Variants in TDRD15 observed in about 807,000 individuals in gnomAD.
The protein encoded by TDRD15 is tudor domain-containing protein 15.
For missense variants in TDRD15, 1,416 were observed against 904.7 expected, an observed-to-expected ratio of 1.57 and a Z score of -7.25; for synonymous variants, 503 against 314.5, an observed-to-expected ratio of 1.60 and a Z score of -6.34.
At position 21,137,489 on chromosome 2, in the gene TDRD15, C is replaced by T. The variant is rs887519721; in HGVS notation, c.22C>T (p.Pro8Ser). Residue 8 changes from proline to serine, a missense_variant, in exon 4 of 4, where the codon CCA (proline) becomes TCA (serine). By Grantham distance (74) the Pro-to-Ser change is moderately conservative. Transcript: ENST00000405799. MDSTSFL[P>S]TFLDVDLTIS... ...GAAAATGGATTCTACATCTTTCTTA[C>T]CAACATTTTTAGATGTGGATCTGAC... is the stretch of plus-strand genomic sequence containing the variant. 3.1e-6 allele frequency: 2 copies of T among 650,680 alleles called. No individual in the cohort carries two copies. The highest frequency in any genetic ancestry group is 1.8e-5 in the African/African-American group (1 of 54,416). The allele number at this position is 650,680 out of a possible 1,614,324, so 40.3% of individuals were successfully genotyped here.
At position 21,141,514 on chromosome 2, in the gene TDRD15, A is replaced by G. The variant is rs759245645; in HGVS notation, c.4047A>G (p.Val1349=). 17 of 715,072 alleles carry G rather than the reference A, an allele frequency of 2.4e-5. No individual in the cohort carries two copies. The highest frequency in any genetic ancestry group is 4.4e-5 in the Non-Finnish European group (17 of 383,674). 44.3% of individuals were successfully genotyped at this position (715,072 alleles called of 1,614,324 possible). ...TTAAACCTCTAGTGGGAGATCTTGT[A>G]GTTGCAGAATATTCTGGTGACAATG... ...KSVKPLVGDL[V]VAEYSGDNAI... The change falls in exon 4 of 4, where the codon GTA becomes GTG. Residue 1349 remains valine (V), a synonymous_variant. Coordinates refer to ENST00000405799, the MANE Select transcript of TDRD15 (RefSeq NM_001306137.2).
chr2:21,136,912 TC>T (rs2103442270), intron 3 of TDRD15, among the ~76,000 whole-genome samples: 1 of 152,098 alleles, frequency 6.6e-6, no homozygotes, highest in Non-Finnish European at 1.5e-5. Context: ...CAAAGATGAA[TC>T]CCGGGATTGT....
At chr2:21,129,076 A>G (rs907863755) in intron 2 of TDRD15, among the ~76,000 whole-genome samples, 3 of 152,134 alleles carry the variant, frequency 2.0e-5, no homozygotes, top group Non-Finnish European at 2.9e-5. Flanking sequence ...AGCTGGGACC[A>G]GAGGTGCACG....
In TDRD15 at chr2:21,141,215, C is replaced by T. The variant is rs149531460; in HGVS notation, c.3748C>T (p.Arg1250Cys). Residue 1250 changes from arginine (R) to cysteine (C), a missense_variant, in exon 4 of 4, where the codon CGT becomes TGT. Physicochemically the swap from Arg to Cys is radical, Grantham distance 180. Coordinates refer to ENST00000405799, the MANE Select transcript of TDRD15 (RefSeq NM_001306137.2). Reference sequence around the variant, plus strand: ...AGCTGCACATATTCTTGAGAACAGGCGTGTGGGCCAAAAATCAGTAAAGGT... The same window carrying T: ...AGCTGCACATATTCTTGAGAACAGGTGTGTGGGCCAAAAATCAGTAAAGGT... Reference protein sequence around the residue: ...PGAAHILENRRVGQKSVKVVS... With the variant: ...PGAAHILENRCVGQKSVKVVS... 8 of 713,762 alleles carry T rather than the reference C, an allele frequency of 1.1e-5. No individual in the cohort carries two copies. The highest frequency in any genetic ancestry group is 1.8e-5 in the Non-Finnish European group (7 of 383,456). The allele number at this position is 713,762 out of a possible 1,614,324, so 44.2% of individuals were successfully genotyped here. A position where few individuals can be genotyped will look rare whatever the true frequency, so the allele number is the denominator to read the frequency against.
In TDRD15 at chr2:21,137,962, T is replaced by A. The variant is rs1665842337; in HGVS notation, c.495T>A (p.Phe165Leu). ...YVQAILPLQMFLFEVPKIISQ... is the reference protein window; with the variant it reads ...YVQAILPLQMLLFEVPKIISQ... ...AAGCTATTTTACCTCTGCAAATGTT[T>A]CTTTTTGAAGTGCCAAAAATTATAT... Residue 165 changes from phenylalanine to leucine, a missense_variant, in exon 4 of 4, where the codon TTT becomes TTA. Physicochemically the swap from Phe to Leu is conservative, Grantham distance 22. Transcript: ENST00000405799. 1 of 716,968 alleles carries A rather than the reference T, an allele frequency of 1.4e-6. No individual in the cohort carries two copies. The highest frequency in any genetic ancestry group is 2.6e-6 in the Non-Finnish European group (1 of 384,594). The allele number at this position is 716,968 out of a possible 1,614,324, so 44.4% of individuals were successfully genotyped here. A position where few individuals can be genotyped will look rare whatever the true frequency, so the allele number is the denominator to read the frequency against.
chr2:21,142,149 C>A lies in TDRD15; in HGVS notation c.4682C>A (p.Thr1561Lys). 2 of 666,950 alleles carry A rather than the reference C, an allele frequency of 3.0e-6. No individual in the cohort carries two copies. Among genetic ancestry groups the A allele is most frequent in the Admixed American group, 2.8e-5 (1 of 35,376 alleles). 41.3% of individuals were successfully genotyped at this position (666,950 alleles called of 1,614,324 possible). ...KILSDLIVLITKEEKKSPFLS... is the reference protein window; with the variant it reads ...KILSDLIVLIKKEEKKSPFLS... The stretch of plus-strand genomic sequence containing the variant: ...TTATCAGATTTAATAGTATTAATTA[C>A]GAAAGAAGAAAAAAAATCCCCTTTT... Residue 1561 changes from threonine (T) to lysine (K), a missense_variant, in exon 4 of 4, where the codon ACG (threonine) becomes AAG (lysine). By Grantham distance (78) the Thr-to-Lys change is moderately conservative. Coordinates refer to ENST00000405799, the MANE Select transcript of TDRD15 (RefSeq NM_001306137.2).
chr2:21,135,078 CAATT>C (rs1011790942), intron 3 of TDRD15, among the ~76,000 whole-genome samples: 37 of 140,142 alleles, frequency 2.6e-4, no homozygotes, highest in South Asian at 8.9e-4. Context: ...TATATATAAA[CAATT>C]AGTTTAGTTC....
intron 3 of TDRD15, among the ~76,000 whole-genome samples, 153 bp from the exon 4 acceptor site, chr2:21,137,312 C>T (rs1269949808): frequency 6.6e-6 from 1 of 151,918 alleles, no homozygotes; most frequent in Non-Finnish European, 1.5e-5. Flanking sequence ...ATTTCACCAG[C>T]GTCTCATTCG....
chr2:21,135,445 C>T (rs1665790558), intron 3 of TDRD15, among the ~76,000 whole-genome samples: 1 of 151,724 alleles, frequency 6.6e-6, no homozygotes, highest in South Asian at 2.1e-4. Flanking sequence ...TGGTGAGTAT[C>T]ACATGGGACC....
intron 2 of TDRD15, among the ~76,000 whole-genome samples, chr2:21,129,206 C>T (rs527984844): frequency 2.6e-5 from 4 of 151,894 alleles, no homozygotes; most frequent in African/African-American, 4.8e-5. Flanking sequence ...ATGGTCCTGT[C>T]CAAATTTTTG....
chr2:21,138,715 T>A lies in TDRD15; in HGVS notation c.1248T>A (p.Thr416=), dbSNP rs1325224434. ...STVNSKCLLK[T]VGTQVLCPMS... ...TTAATTCTAAGTGTCTACTGAAGAC[T>A]GTAGGCACACAAGTACTTTGTCCGA... is the stretch of plus-strand genomic sequence containing the variant. Residue 416 remains threonine (T), a synonymous_variant, in exon 4 of 4, where the codon ACT becomes ACA. Coordinates refer to ENST00000405799, the MANE Select transcript of TDRD15 (RefSeq NM_001306137.2). The A allele has an allele frequency of 1.4e-6, 1 of 715,914 alleles. No individual in the cohort carries two copies. Among genetic ancestry groups the A allele is most frequent in the African/African-American group, 1.7e-5 (1 of 57,178 alleles). The allele number at this position is 715,914 out of a possible 1,614,324, so 44.3% of individuals were successfully genotyped here. A position where few individuals can be genotyped will look rare whatever the true frequency, so the allele number is the denominator to read the frequency against.
Position 21,139,644 on chromosome 2 carries a change from T to C in TDRD15, c.2177T>C (p.Val726Ala), listed in dbSNP as rs867400451. 1.4e-6 allele frequency: 1 copy of C among 714,404 alleles called. No individual in the cohort carries two copies. The highest frequency in any genetic ancestry group is 1.7e-5 in the African/African-American group (1 of 57,154). The allele number at this position is 714,404 out of a possible 1,614,324, so 44.3% of individuals were successfully genotyped here. ...TTGTCTTTGCCAAAGTCCCTAGCTG[T>C]TAATATCTCAGAATTTAAAAATCCT... ...NNLSLPKSLA[V>A]NISEFKNPFT... is the part of the protein sequence containing the mutation. Residue 726 changes from valine (V) to alanine (A), a missense_variant, in exon 4 of 4, where the codon GTT (valine) becomes GCT (alanine). By Grantham distance (64) the Val-to-Ala change is moderately conservative. Coordinates refer to ENST00000405799, the MANE Select transcript of TDRD15 (RefSeq NM_001306137.2).
At chr2:21,135,782 C>T (rs1167568539) in intron 3 of TDRD15, among the ~76,000 whole-genome samples, 1 of 151,962 alleles carries the variant, frequency 6.6e-6, no homozygotes, top group East Asian at 1.9e-4. Flanking sequence ...TAAGTGAGAG[C>T]CATGTATAAA....
chr2:21,128,637 A>G (rs991992206), intron 2 of TDRD15, among the ~76,000 whole-genome samples: 1 of 151,984 alleles, frequency 6.6e-6, no homozygotes. Flanking sequence ...TCTTTTCTGT[A>G]TAGCAATTTT....
chr2:21,147,306 C>A (rs138620639), downstream of TDRD15, among the ~76,000 whole-genome samples: 4 of 151,140 alleles, frequency 2.6e-5, no homozygotes, highest in East Asian at 3.9e-4. Context: ...GAGTAAGAGA[C>A]GATTTATGAG....
downstream of TDRD15, among the ~76,000 whole-genome samples, chr2:21,144,634 T>C (rs1666004080): frequency 6.6e-6 from 1 of 151,846 alleles, no homozygotes; most frequent in South Asian, 2.1e-4. Flanking sequence ...CCAAGAGTCT[T>C]ATATGTATTA....
chr2:21,137,567 A>C lies in TDRD15; in HGVS notation c.100A>C (p.Ile34Leu), dbSNP rs1243170204. The change falls in exon 4 of 4, where the codon ATA becomes CTA. Residue 34 changes from isoleucine to leucine, a missense_variant. Transcript: ENST00000405799. Reference protein sequence around the residue: ...PKDILVKFQGIKSNECEFDYH... With the variant: ...PKDILVKFQGLKSNECEFDYH... ...GGATATTCTGGTGAAATTTCAAGGC[A>C]TAAAGAGTAATGAATGTGAGTTTGA... is the stretch of plus-strand genomic sequence containing the variant. The C allele has an allele frequency of 1.4e-6, 1 of 715,546 alleles. No individual in the cohort carries two copies. The highest frequency in any genetic ancestry group is 2.7e-5 in the East Asian group (1 of 37,242). 44.3% of individuals were successfully genotyped at this position (715,546 alleles called of 1,614,324 possible).
Position 21,140,482 on chromosome 2 carries a change from A to C in TDRD15, c.3015A>C (p.Gln1005His). 2.9e-6 allele frequency: 2 copies of C among 695,200 alleles called. No individual in the cohort carries two copies. The highest frequency in any genetic ancestry group is 5.3e-6 in the Non-Finnish European group (2 of 378,114). The allele number at this position is 695,200 out of a possible 1,614,324, so 43.1% of individuals were successfully genotyped here. A position where few individuals can be genotyped will look rare whatever the true frequency, so the allele number is the denominator to read the frequency against. Residue 1005 changes from glutamine (Q) to histidine (H), a missense_variant, in exon 4 of 4, where the codon CAA becomes CAC. Gln to His is a conservative substitution (Grantham distance 24). Coordinates refer to ENST00000405799, the MANE Select transcript of TDRD15 (RefSeq NM_001306137.2). ...AAATCACAGAGAGTGTTAACCTCCA[A>C]AATTTTCCAAAATATGATTCTAATA... ...ETKITESVNL[Q>H]NFPKYDSNKM...
rs1164649641 is a variant in TDRD15 at position 21,141,866 on chromosome 2, C to T, written c.4399C>T (p.Leu1467=). The change falls in exon 4 of 4, where the codon CTG becomes TTG. Residue 1467 remains leucine (L), a synonymous_variant. Coordinates refer to ENST00000405799, the MANE Select transcript of TDRD15 (RefSeq NM_001306137.2). ...CDEKCVINEL[L]KWKACSKLQK... ...TGAAAAATGTGTCATTAATGAACTACTGAAATGGAAAGCATGTTCAAAACT... is the reference window on the plus strand; with the variant it reads ...TGAAAAATGTGTCATTAATGAACTATTGAAATGGAAAGCATGTTCAAAACT... 3 of 715,354 alleles carry T rather than the reference C, an allele frequency of 4.2e-6. No individual in the cohort carries two copies. The highest frequency in any genetic ancestry group is 2.7e-5 in the East Asian group (1 of 37,244). The allele number at this position is 715,354 out of a possible 1,614,324, so 44.3% of individuals were successfully genotyped here.
Sources: allele counts gnomAD v4.1 joint callset (sites outside exome capture counted in the v4.1 genomes callset), GRCh38; gene constraint gnomAD v4.1.1; transcripts MANE v1.5; gene names NCBI Gene and HGNC (gene_info 2026-07-23, HGNC 2026-07-21).